Variants in DDX50 observed in about 807,000 individuals in gnomAD.
The protein encoded by DDX50 is DExD-box helicase 50.
In DDX50, 56 loss-of-function variants were observed where a neutral mutation model predicts 94.8. The ratio of observed to expected loss-of-function variants is 0.59; its 90% CI spans 0.48 to 0.74. The LOEUF is 0.74. Among genes scored for constraint, DDX50 ranks in the 30% least tolerant of loss-of-function variants. The probability of loss-of-function intolerance (pLI) is 0.00; values close to 1 mark genes in which losing one functional copy is unlikely to be tolerated. For missense variants in DDX50, 713 were observed against 881.2 expected, an observed-to-expected ratio of 0.81 and a Z score of 2.42; for synonymous variants, 264 against 295.4, an observed-to-expected ratio of 0.89 and a Z score of 1.09.
intron 5 of DDX50, 39 bp from the exon 6 acceptor site, chr10:68,913,352 T>C (rs200210700): frequency 6.2e-7 from 1 of 1,603,282 alleles, no homozygotes; most frequent in African/African-American, 1.3e-5. Context: ...TGTGAAAGTT[T>C]GAATTTTACA....
At position 68,939,886 on chromosome 10, in the gene DDX50, A is replaced by T. The variant is rs773525858; in HGVS notation, c.1756-1174A>T. ...CACATACAGGTGTAGGTACATGCAC[A>T]TGCACTAGAATTTACTGTCCATGAG... On this transcript the variant is annotated intron_variant, in intron 12 of 14. Coordinates refer to ENST00000373585, the MANE Select transcript of DDX50 (RefSeq NM_024045.2). Among the ~76,000 whole-genome samples, 7 of 139,890 alleles carry T rather than the reference A, an allele frequency of 5.0e-5. No homozygotes were observed. The South Asian group carries it at 1.6e-3, about 32-fold the overall frequency. 91.8% of individuals were successfully genotyped at this position (139,890 alleles called of 152,430 possible).
chr10:68,904,352 G>A (rs904248129), intron 1 of DDX50, among the ~76,000 whole-genome samples: 2 of 152,092 alleles, frequency 1.3e-5, no homozygotes, highest in Non-Finnish European at 2.9e-5. Context: ...GTATTGAGGT[G>A]AGGATAACTT....
chr10:68,927,914 C>T (rs920563869), intron 8 of DDX50, among the ~76,000 whole-genome samples: 1 of 152,146 alleles, frequency 6.6e-6, no homozygotes, highest in Non-Finnish European at 1.5e-5. Flanking sequence ...TCTAGCTACT[C>T]AGGAGACTGA....
chr10:68,910,833 T>G (rs1841605140), intron 3 of DDX50, among the ~76,000 whole-genome samples: 1 of 148,964 alleles, frequency 6.7e-6, no homozygotes, highest in Non-Finnish European at 1.5e-5. Flanking sequence ...TTGCACTTAC[T>G]TTTACATCAT....
intron 8 of DDX50, among the ~76,000 whole-genome samples, chr10:68,920,692 T>C (rs1167917755): frequency 2.0e-5 from 3 of 151,984 alleles, no homozygotes; most frequent in Admixed American, 2.0e-4. Context: ...ATGGCTGTAA[T>C]CCCAGCACTT....
At chr10:68,927,851 T>A (rs1842131226) in intron 8 of DDX50, among the ~76,000 whole-genome samples, 1 of 152,138 alleles carries the variant, frequency 6.6e-6, no homozygotes, top group Non-Finnish European at 1.5e-5. Flanking sequence ...TTGTATAAGC[T>A]TCCTATTTAA....
At chr10:68,914,357 A>T (rs1841721435) in intron 7 of DDX50, 153 bp downstream of exon 7, 1 of 802,798 alleles carries the variant, frequency 1.2e-6, no homozygotes, top group East Asian at 3.0e-5. Context: ...ATAGTCTGAG[A>T]CTGAGTAGCA....
chr10:68,929,332 TTTCCTTCC>T (rs1158722953), intron 8 of DDX50, among the ~76,000 whole-genome samples: 4 of 143,920 alleles, frequency 2.8e-5, no homozygotes, highest in Non-Finnish European at 6.2e-5. Flanking sequence ...TCTTTCTTTC[TTTCCTTCC>T]TTCCTTCCTT....
chr10:68,943,389 C>T (rs902835062), intron 14 of DDX50, 132 bp downstream of exon 14: 2 of 739,544 alleles, frequency 2.7e-6, no homozygotes, highest in African/African-American at 1.8e-5. Flanking sequence ...TATAAAATAA[C>T]CAGTCTGTCT....
intron 13 of DDX50, among the ~76,000 whole-genome samples, chr10:68,941,788 C>T (rs923122636): frequency 8.6e-5 from 13 of 151,840 alleles, no homozygotes; most frequent in Non-Finnish European, 1.5e-4. Flanking sequence ...TACAGGTGCC[C>T]GCCACTATGC....
intron 8 of DDX50, among the ~76,000 whole-genome samples, chr10:68,925,701 C>T (rs1842064303): frequency 6.6e-6 from 1 of 152,046 alleles, no homozygotes; most frequent in African/African-American, 2.4e-5. Flanking sequence ...TAATGAGACA[C>T]TGTCTCTATA....
chr10:68,912,914 T>C (rs924453235), intron 4 of DDX50, among the ~76,000 whole-genome samples: 5 of 151,866 alleles, frequency 3.3e-5, no homozygotes, highest in African/African-American at 9.7e-5. Flanking sequence ...TGAGGAGAAA[T>C]GATAAAGAGG....
At chr10:68,915,109 G>A (rs2132031220) in intron 7 of DDX50, among the ~76,000 whole-genome samples, 1 of 150,462 alleles carries the variant, frequency 6.6e-6, no homozygotes, top group East Asian at 2.0e-4. Context: ...TTAAACCAAT[G>A]GTATGTTTAA....
intron 8 of DDX50, among the ~76,000 whole-genome samples, chr10:68,933,071 G>GT (rs1554836942): frequency 5.8e-4 from 21 of 36,034 alleles, no homozygotes; most frequent in Non-Finnish European, 8.1e-4. Flanking sequence ...TTGTTTGTTT[G>GT]TTTTTTTTTT....
In DDX50 at chr10:68,913,396, C is replaced by T; in HGVS notation, c.763C>T (p.His255Tyr). Reference sequence around the variant, plus strand: ...GCATTTCTCTCTTCTCACAGTTAATCATATTCGAAATGGTATTGACATCTT... The same window carrying T: ...GCATTTCTCTCTTCTCACAGTTAATTATATTCGAAATGGTATTGACATCTT... ...GGTSYQSQIN[H>Y]IRNGIDILVG... Residue 255 changes from histidine to tyrosine, a missense_variant, in exon 6 of 15, where the codon CAT (histidine) becomes TAT (tyrosine). By Grantham distance (83) the His-to-Tyr change is moderately conservative (BLOSUM62 2). This residue lies in a region of DDX50 where 428 missense variants were observed against 602.3 expected (regional missense o/e 0.71). Transcript: ENST00000373585. 2 of 1,611,052 alleles carry T rather than the reference C, an allele frequency of 1.2e-6. No homozygotes were observed. The highest frequency in any genetic ancestry group is 1.3e-5 in the African/African-American group (1 of 74,926).
chr10:68,908,911 G>T (rs1302713806), intron 2 of DDX50, among the ~76,000 whole-genome samples: 1 of 152,168 alleles, frequency 6.6e-6, no homozygotes, highest in African/African-American at 2.4e-5. Context: ...CTCCCAAAGT[G>T]CTGGGATTAC....
At chr10:68,906,624 C>T (rs1841450771) in intron 1 of DDX50, 87 bp from the exon 2 acceptor site, 2 of 1,429,802 alleles carry the variant, frequency 1.4e-6, no homozygotes, top group East Asian at 4.6e-5. Flanking sequence ...TTGAGCTGAA[C>T]TGGTGGGGGA....
chr10:68,906,793 A>T lies in DDX50; in HGVS notation c.170A>T (p.Asp57Val). The change falls in exon 2 of 15, where the codon GAT becomes GTT. Residue 57 changes from aspartate (D) to valine (V), a missense_variant. By Grantham distance (152) the Asp-to-Val change is radical. This residue lies in a region of DDX50 where 285 missense variants were observed against 278.9 expected (regional missense o/e 1.02). Transcript: ENST00000373585. ...TRENGVTDDLDAPKAKKSKMK... is the reference protein window; with the variant it reads ...TRENGVTDDLVAPKAKKSKMK... ...GAAAATGGTGTTACAGATGACCTGG[A>T]TGCTCCCAAGGCCAAAAAATCTAAA... The T allele has an allele frequency of 6.2e-7, 1 of 1,613,804 alleles. No individual in the cohort carries two copies. The highest frequency in any genetic ancestry group is 1.1e-5 in the South Asian group (1 of 90,930).
At chr10:68,935,349 G>T (rs1842378099) in intron 10 of DDX50, among the ~76,000 whole-genome samples, 1 of 151,568 alleles carries the variant, frequency 6.6e-6, no homozygotes, top group Non-Finnish European at 1.5e-5. Flanking sequence ...GTTTTTATAT[G>T]CAATTTCATA....
Sources: gnomAD v4.1 joint callset for allele counts (sites outside exome capture counted in the v4.1 genomes callset) on GRCh38, gnomAD v4.1.1 for gene constraint, gnomAD v4.1.1 regional missense constraint, MANE v1.5 for transcripts, NCBI Gene and HGNC (gene_info 2026-07-23, HGNC 2026-07-21) for gene names.